The following ANKRD13A variants were observed in gnomAD, a reference collection of about 807,000 sequenced individuals.
The protein encoded by ANKRD13A is ankyrin repeat domain-containing protein 13A.
A neutral mutation model predicts 81.3 loss-of-function variants in ANKRD13A; 48 were observed. That is an observed-to-expected ratio of 0.59 (90% CI 0.47 to 0.75). The LOEUF is 0.75. Among genes scored for constraint, ANKRD13A ranks in the 30% least tolerant of loss-of-function variants. The pLI is 0.00. For synonymous variants in ANKRD13A, 230 were observed against 270.1 expected (o/e 0.85, Z 1.45); for missense variants, 612 against 734.0 (o/e 0.83, Z 1.92).
intron 1 of ANKRD13A, among the ~76,000 whole-genome samples, chr12:110,005,648 T>C (rs1046986189): frequency 1.3e-5 from 2 of 152,210 alleles, no homozygotes; most frequent in African/African-American, 4.8e-5. Context: ...GTGGCATGTT[T>C]CAGGTGCTTA....
chr12:110,006,428 G>T (rs1293496112), intron 1 of ANKRD13A, among the ~76,000 whole-genome samples: 1 of 152,182 alleles, frequency 6.6e-6, no homozygotes, highest in Non-Finnish European at 1.5e-5. Context: ...ATCTTTTCAT[G>T]TGCTTATTGG....
At chr12:110,027,516 A>G (rs983443349) in intron 8 of ANKRD13A, 189 bp from the exon 9 acceptor site, 2 of 589,348 alleles carry the variant, frequency 3.4e-6, no homozygotes, top group Admixed American at 3.0e-5. Flanking sequence ...TATCTAGTTT[A>G]GAGATCCTCA....
At chr12:110,028,253 C>A in intron 9 of ANKRD13A, 1 of 392,006 alleles carries the variant, frequency 2.6e-6, no homozygotes, top group Non-Finnish European at 4.6e-6. Context: ...ATATTTCTTT[C>A]TTTTTTTCTT....
intron 1 of ANKRD13A, among the ~76,000 whole-genome samples, chr12:110,005,793 G>A (rs896739360): frequency 6.6e-6 from 1 of 152,090 alleles, no homozygotes; most frequent in Admixed American, 6.6e-5. Context: ...GAGTAACGCT[G>A]CTGTGTGTAT....
At chr12:110,007,707 T>C (rs1890311412) in intron 1 of ANKRD13A, among the ~76,000 whole-genome samples, 1 of 152,206 alleles carries the variant, frequency 6.6e-6, no homozygotes, top group African/African-American at 2.4e-5. Context: ...TTTTAAACAA[T>C]GTTTTATGGT....
At chr12:110,023,970 A>T (rs1348385838) in intron 6 of ANKRD13A, 76 bp from the exon 7 acceptor site, 1 of 1,454,600 alleles carries the variant, frequency 6.9e-7, no homozygotes, top group East Asian at 2.3e-5. Flanking sequence ...GGGGGAAAAA[A>T]ACTATAAAGG....
intron 1 of ANKRD13A, among the ~76,000 whole-genome samples, chr12:110,006,108 C>T (rs1254896605): frequency 1.3e-5 from 2 of 152,208 alleles, no homozygotes; most frequent in East Asian, 3.8e-4. Flanking sequence ...TGAGCCACTG[C>T]ACCCAGCCCC....
At position 110,036,390 on chromosome 12, in the gene ANKRD13A, C is replaced by G. The variant is rs1892050644; in HGVS notation, c.1577+62C>G. On this transcript the variant is annotated intron_variant, in intron 14 of 14. Coordinates refer to ENST00000261739, the MANE Select transcript of ANKRD13A (RefSeq NM_033121.2). The surrounding 1 kb of genome is among the most constrained non-coding windows in gnomAD (Gnocchi z 4.6). ...GAACACAGGCCTGGACACAGGCGAG[C>G]AGACGCGTGGCACTGTGCATTTGGT... 6.6e-7 allele frequency: 1 copy of G among 1,515,214 alleles called. No homozygotes were observed. The highest frequency in any genetic ancestry group is 2.3e-5 in the East Asian group (1 of 44,296). 93.9% of individuals were successfully genotyped at this position (1,515,214 alleles called of 1,614,324 possible). A position where few individuals can be genotyped will look rare whatever the true frequency, so the allele number is the denominator to read the frequency against.
At chr12:110,014,876 C>T (rs1422411359) in intron 3 of ANKRD13A, among the ~76,000 whole-genome samples, 2 of 150,860 alleles carry the variant, frequency 1.3e-5, no homozygotes, top group African/African-American at 4.9e-5. Flanking sequence ...CTCCACCTCC[C>T]GGGTTCACGC....
chr12:110,037,461 C>T lies in ANKRD13A; in HGVS notation c.1680C>T (p.Leu560=). Residue 560 remains leucine, a synonymous_variant, in exon 15 of 15, where the codon CTC becomes CTT. Transcript: ENST00000261739. ...FDNDLQLAME[L]SAKELEEWEL... ...ATGACTTGCAGCTAGCCATGGAGCTCTCTGCCAAAGAGCTGGAGGAATGGG... is the reference window on the plus strand; with the variant it reads ...ATGACTTGCAGCTAGCCATGGAGCTTTCTGCCAAAGAGCTGGAGGAATGGG... 6.2e-7 allele frequency: 1 copy of T among 1,614,222 alleles called. No homozygotes were observed. Among genetic ancestry groups the T allele is most frequent in the Non-Finnish European group, 8.5e-7 (1 of 1,180,030 alleles).
At position 110,013,217 on chromosome 12, in the gene ANKRD13A, G is replaced by A; in HGVS notation, c.322G>A (p.Gly108Arg). ...CCACAACACATCCATGGCCCTTGAG[G>A]GAGTTCCTGAGCTGCTCCAAAAAAT... ...DYHNTSMALEGVPELLQKILE... is the reference protein window; with the variant it reads ...DYHNTSMALERVPELLQKILE... The change falls in exon 3 of 15, where the codon GGA becomes AGA. Residue 108 changes from glycine to arginine, a missense_variant. Transcript: ENST00000261739. 12 of 1,614,098 alleles carry A rather than the reference G, an allele frequency of 7.4e-6. No homozygotes were observed. The highest frequency in any genetic ancestry group is 9.3e-6 in the Non-Finnish European group (11 of 1,180,022).
chr12:110,030,636 G>T lies in ANKRD13A; in HGVS notation c.1235-9G>T. 1 of 1,549,198 alleles carries T rather than the reference G, an allele frequency of 6.5e-7. No homozygotes were observed. The highest frequency in any genetic ancestry group is 1.4e-5 in the African/African-American group (1 of 72,390). ...GTTTACTTATAAAAGTTTTTATTTT[G>T]TTTGTTAGAAATTCCCTTGTTTCAT... On this transcript the variant is annotated splice_polypyrimidine_tract_variant and intron_variant, in intron 11 of 14. Coordinates refer to ENST00000261739, the MANE Select transcript of ANKRD13A (RefSeq NM_033121.2).
At chr12:110,016,354 G>C in intron 3 of ANKRD13A, 34 bp from the exon 4 acceptor site, 1 of 1,546,322 alleles carries the variant, frequency 6.5e-7, no homozygotes, top group Non-Finnish European at 8.8e-7. Context: ...TAGTGCCAAG[G>C]GTAATCTGTT....
intron 1 of ANKRD13A, among the ~76,000 whole-genome samples, chr12:110,006,617 A>G (rs1472243874): frequency 1.3e-5 from 2 of 150,022 alleles, no homozygotes; most frequent in South Asian, 2.1e-4. Context: ...TTTTTTTGAG[A>G]TGGAGTTTCG....
At chr12:110,014,225 A>ACACGGT (rs1312668249) in intron 3 of ANKRD13A, among the ~76,000 whole-genome samples, 1 of 152,076 alleles carries the variant, frequency 6.6e-6, no homozygotes, top group East Asian at 1.9e-4. Flanking sequence ...ATCCTGACTA[A>ACACGGT]CACGGTGAAA....
chr12:110,018,623 T>C lies in ANKRD13A; in HGVS notation c.544+135T>C, dbSNP rs1890917503. On this transcript the variant is annotated intron_variant, in intron 5 of 14. Transcript: ENST00000261739. The surrounding 1 kb of genome is among the most constrained non-coding windows in gnomAD (Gnocchi z 4.4). ...GGCATGTTTTTTTGGTTATTCTTAT[T>C]AATTATTCAGCTCTCCATCCCTGTC... 3.8e-6 allele frequency: 4 copies of C among 1,062,802 alleles called. No individual in the cohort carries two copies. The highest frequency in any genetic ancestry group is 5.3e-6 in the Non-Finnish European group (4 of 749,358). The allele number at this position is 1,062,802 out of a possible 1,614,324, so 65.8% of individuals were successfully genotyped here.
Position 110,037,596 on chromosome 12 carries a change from G to T in ANKRD13A, c.*42G>T. On this transcript the variant is annotated 3_prime_UTR_variant, in exon 15 of 15. Transcript: ENST00000261739. The stretch of plus-strand genomic sequence containing the variant: ...GCCTCTGCACAAAGCAGAGGCTGTG[G>T]GCTGTCACAGATGCTGTGTCAACCA... The T allele has an allele frequency of 6.3e-7, 1 of 1,583,710 alleles. No homozygotes were observed.
chr12:110,006,222 G>A (rs928238730), intron 1 of ANKRD13A, among the ~76,000 whole-genome samples: 2 of 152,144 alleles, frequency 1.3e-5, no homozygotes, highest in Non-Finnish European at 2.9e-5. Flanking sequence ...AACTTTTTGC[G>A]GAACTGCCAG....
intron 1 of ANKRD13A, among the ~76,000 whole-genome samples, chr12:110,009,167 C>T (rs1029799392): frequency 3.3e-5 from 5 of 152,142 alleles, no homozygotes; most frequent in Non-Finnish European, 7.3e-5. Context: ...CCACAACCTC[C>T]GCCTTCCGGG....
Sources: gnomAD v4.1 joint callset for allele counts (sites outside exome capture counted in the v4.1 genomes callset) on GRCh38, gnomAD v4.1.1 for gene constraint, Gnocchi (gnomAD v3.1) non-coding constraint, MANE v1.5 for transcripts, NCBI Gene and HGNC (gene_info 2026-07-23, HGNC 2026-07-21) for gene names.